Variants in HSPA12A observed in about 807,000 individuals in gnomAD.
HSPA12A encodes heat shock 70 kDa protein 12A.
Under a neutral mutation model 69.2 loss-of-function variants are expected in HSPA12A, and 28 were observed. The observed-to-expected ratio is 0.40, with a 90% CI of 0.30 to 0.55. The LOEUF (loss-of-function observed/expected upper bound fraction) is 0.55, where lower values mean the gene tolerates loss of function less well. Among genes scored for constraint, HSPA12A ranks in the 20% least tolerant of loss-of-function variants. HSPA12A has a pLI of 0.38. For synonymous variants in HSPA12A, 345 were observed against 370.5 expected, an observed-to-expected ratio of 0.93 and a Z score of 0.79; for missense variants, 686 against 900.7, an observed-to-expected ratio of 0.76 and a Z score of 3.05.
intron 2 of HSPA12A, among the ~76,000 whole-genome samples, chr10:116,762,714 G>A (rs543077815): frequency 2.0e-5 from 3 of 152,188 alleles, no homozygotes; most frequent in Non-Finnish European, 4.4e-5. Context: ...CTCCCCGCTA[G>A]CTGGGACTAC....
intron 2 of HSPA12A, among the ~76,000 whole-genome samples, chr10:116,769,667 G>A (rs1458418511): frequency 6.6e-6 from 1 of 152,188 alleles, no homozygotes; most frequent in African/African-American, 2.4e-5. Flanking sequence ...TCAGAAACAT[G>A]CTAATTAGGT....
intron 7 of HSPA12A, 175 bp downstream of exon 7, chr10:116,683,616 C>T (rs1004915491): frequency 8.2e-6 from 4 of 485,832 alleles, no homozygotes; most frequent in African/African-American, 7.8e-5. Context: ...TATGGGGGTC[C>T]TTGGAGGGGC....
At chr10:116,695,643 C>T (rs992383599) in intron 5 of HSPA12A, among the ~76,000 whole-genome samples, 3 of 151,928 alleles carry the variant, frequency 2.0e-5, no homozygotes, top group Non-Finnish European at 4.4e-5. Flanking sequence ...GGTGAAACCC[C>T]GTCTCTACTA....
At chr10:116,816,642 A>G (rs981126963) in intron 2 of HSPA12A, among the ~76,000 whole-genome samples, 1 of 152,182 alleles carries the variant, frequency 6.6e-6, no homozygotes, top group Non-Finnish European at 1.5e-5. Flanking sequence ...CCCGACATCC[A>G]ATTCCGATGG....
At chr10:116,719,595 C>A (rs773098550) in intron 1 of HSPA12A, among the ~76,000 whole-genome samples, 1 of 152,222 alleles carries the variant, frequency 6.6e-6, no homozygotes. Flanking sequence ...AATTACTGAA[C>A]TTCTCTGGTG....
At chr10:116,845,631 G>A (rs936008237) in intron 1 of HSPA12A, among the ~76,000 whole-genome samples, 8 of 151,684 alleles carry the variant, frequency 5.3e-5, no homozygotes, top group African/African-American at 9.7e-5. Context: ...CCCTCCCATC[G>A]TCAGCTCCCC....
chr10:116,849,154 C>T (rs1845970558), intron 1 of HSPA12A, among the ~76,000 whole-genome samples: 1 of 145,230 alleles, frequency 6.9e-6, no homozygotes, highest in African/African-American at 2.5e-5. Flanking sequence ...GTGGGGAGGG[C>T]GGGGTGGCCC....
At chr10:116,677,933 C>T (rs1554878018) in intron 10 of HSPA12A, among the ~76,000 whole-genome samples, 2 of 151,740 alleles carry the variant, frequency 1.3e-5, no homozygotes, top group African/African-American at 4.8e-5. Flanking sequence ...CTCATGCCCT[C>T]ACAAAAGGAA....
intron 2 of HSPA12A, among the ~76,000 whole-genome samples, chr10:116,764,858 T>G (rs1844044661): frequency 6.6e-6 from 1 of 152,242 alleles, no homozygotes; most frequent in African/African-American, 2.4e-5. Flanking sequence ...TAATTTTGGA[T>G]GTAGTACTCT....
intron 10 of HSPA12A, among the ~76,000 whole-genome samples, chr10:116,676,751 G>A (rs531091209): frequency 1.9e-4 from 29 of 152,304 alleles, no homozygotes; most frequent in African/African-American, 6.5e-4. Context: ...CTGGGATAGT[G>A]GAGGCCAAAG....
chr10:116,753,995 C>T (rs1843765159), intron 2 of HSPA12A, among the ~76,000 whole-genome samples: 1 of 152,244 alleles, frequency 6.6e-6, no homozygotes, highest in African/African-American at 2.4e-5. Context: ...GAGCCAGCCT[C>T]ATGCCAGGGC....
At chr10:116,698,558 C>A in intron 5 of HSPA12A, 77 bp downstream of exon 5, 6 of 1,148,934 alleles carry the variant, frequency 5.2e-6, no homozygotes, top group Non-Finnish European at 6.5e-6. Context: ...CCAGCAGGTG[C>A]AGCAGCCCGA....
At chr10:116,760,470 T>C (rs1843944025) in intron 2 of HSPA12A, among the ~76,000 whole-genome samples, 2 of 152,104 alleles carry the variant, frequency 1.3e-5, no homozygotes, top group South Asian at 2.1e-4. Flanking sequence ...AATAAGTCAC[T>C]CCACACCTCT....
chr10:116,805,266 A>G (rs1308270810), intron 2 of HSPA12A, among the ~76,000 whole-genome samples: 4 of 152,172 alleles, frequency 2.6e-5, no homozygotes, highest in African/African-American at 9.7e-5. Flanking sequence ...CAGTGAGCCG[A>G]GATCGCGCCA....
chr10:116,692,217 G>C (rs782580548), intron 6 of HSPA12A, 134 bp downstream of exon 6: 1 of 674,546 alleles, frequency 1.5e-6, no homozygotes, highest in Admixed American at 2.4e-5. Flanking sequence ...TCCCACCCTG[G>C]CTAGGGGAGC....
At chr10:116,745,834 CACA>C (rs1851635249), upstream of HSPA12A, among the ~76,000 whole-genome samples, 1 of 152,154 alleles carries the variant, frequency 6.6e-6, no homozygotes, top group Admixed American at 6.5e-5. Context: ...TAGCACTTAT[CACA>C]ACAACTCCAA....
At chr10:116,733,452 C>T (rs1851223340) in intron 1 of HSPA12A, among the ~76,000 whole-genome samples, 1 of 152,144 alleles carries the variant, frequency 6.6e-6, no homozygotes, top group Admixed American at 6.5e-5. Flanking sequence ...ATCACGAGGT[C>T]TGATTTACAA....
intron 1 of HSPA12A, among the ~76,000 whole-genome samples, chr10:116,838,805 C>A (rs1166006417): frequency 6.6e-6 from 1 of 152,202 alleles, no homozygotes; most frequent in Admixed American, 6.5e-5. Context: ...CAAGGCACAG[C>A]CGGTTAAATG....
chr10:116,744,005 CAT>C (rs1325784287), upstream of HSPA12A, among the ~76,000 whole-genome samples: 52 of 152,202 alleles, frequency 3.4e-4, no homozygotes, highest in Non-Finnish European at 7.2e-4. Flanking sequence ...TGGTAAAAAT[CAT>C]TAAGTCACTG....
Sources: gnomAD v4.1 joint callset for allele counts (sites outside exome capture counted in the v4.1 genomes callset) on GRCh38, gnomAD v4.1.1 for gene constraint, MANE v1.5 for transcripts, NCBI Gene and HGNC (gene_info 2026-07-23, HGNC 2026-07-21) for gene names.